Variants in PRPF40B observed in about 807,000 individuals in gnomAD.
PRPF40B encodes pre-mRNA-processing factor 40 homolog B.
A neutral mutation model predicts 124.5 loss-of-function variants in PRPF40B; 56 were observed. The ratio of observed to expected loss-of-function variants is 0.45; its 90% CI spans 0.36 to 0.56. PRPF40B has a LOEUF of 0.56. Ranked by LOEUF, PRPF40B falls within the 20% of genes least tolerant of loss-of-function variation. The pLI is 0.00. For missense variants in PRPF40B, 1,053 were observed against 1,169.5 expected, an observed-to-expected ratio of 0.90 and a Z score of 1.45; for synonymous variants, 443 against 426.4, an observed-to-expected ratio of 1.04 and a Z score of -0.48.
At position 49,642,984 on chromosome 12, in the gene PRPF40B, A is replaced by C. The variant is rs752833704; in HGVS notation, c.2173A>C (p.Lys725Gln). 5.0e-6 allele frequency: 8 copies of C among 1,613,906 alleles called. No homozygotes were observed. The highest frequency in any genetic ancestry group is 3.3e-5 in the Admixed American group (2 of 59,984). The part of the protein sequence containing the change: ...KGRKHGRKGK[K>Q]HHHKRSHSPS... The stretch of plus-strand genomic sequence containing the variant: ...CCGAAAGCATGGCAGGAAAGGCAAG[A>C]AGCACCATCACAAGCGTTCCCACTC... The change falls in exon 22 of 26, where the codon AAG (lysine) becomes CAG (glutamine). Residue 725 changes from lysine to glutamine, a missense_variant. Lys to Gln is a moderately conservative substitution (Grantham distance 53). This residue lies in a region of PRPF40B where 895 missense variants were observed against 1,052.2 expected (regional missense o/e 0.85). Transcript: ENST00000548825. This position sits in a 1 kb window ranked among gnomAD's most constrained non-coding sequence, Gnocchi z 5.8.
rs565537155 is a variant in PRPF40B, at chr12:49,643,122, T to G, written c.2206-101T>G. On this transcript the variant is annotated intron_variant, in intron 22 of 25. Transcript: ENST00000548825. ...TCTCCCTTGGAGGGAAGTTTGAGGA[T>G]TCCTTTGGCCCTGGGTCCTCCTCCT... is the stretch of plus-strand genomic sequence containing the variant. The G allele has an allele frequency of 2.4e-5, 38 of 1,585,800 alleles. No individual in the cohort carries two copies. The African/African-American group carries it at 3.8e-4, about 16-fold the overall frequency.
At chr12:49,638,561 A>G (rs1252833820) in intron 18 of PRPF40B, 1 of 152,206 alleles carries the variant, frequency 6.6e-6, no homozygotes, top group African/African-American at 2.4e-5. Context: ...CATCTTATCA[A>G]AAGTGGAAAA....
At chr12:49,625,636 G>A (rs528313654) in intron 1 of PRPF40B, among the ~76,000 whole-genome samples, 67 of 152,236 alleles carry the variant, frequency 4.4e-4, no homozygotes, top group African/African-American at 1.6e-3. Flanking sequence ...GAAAGGGGTG[G>A]CCCCTCACTG....
At chr12:49,633,151 C>T in intron 7 of PRPF40B, 27 bp downstream of exon 7, 1 of 1,556,360 alleles carries the variant, frequency 6.4e-7, no homozygotes. Flanking sequence ...TCTGGCCCTT[C>T]CTTTCAGCTG....
Position 49,635,287 on chromosome 12 carries a change from G to T in PRPF40B, c.1166+24G>T. On this transcript the variant is annotated intron_variant, in intron 13 of 25. Transcript: ENST00000548825. The surrounding 1 kb of genome is among the most constrained non-coding windows in gnomAD (Gnocchi z 4.1). ...CGGTCAGGGGGCCAGGCTGGGCTGG[G>T]ACTTGGGAACCCTGAGAACACAAAG... The T allele has an allele frequency of 6.2e-7, 1 of 1,610,556 alleles. No individual in the cohort carries two copies. The highest frequency in any genetic ancestry group is 8.5e-7 in the Non-Finnish European group (1 of 1,178,196).
At chr12:49,639,896 A>G (rs1942372478) in intron 18 of PRPF40B, 1 of 152,232 alleles carries the variant, frequency 6.6e-6, no homozygotes. Context: ...TTAAAACAGA[A>G]TAATCGTATA....
In PRPF40B at chr12:49,642,751, C is replaced by T; in HGVS notation, c.2118+76C>T. On this transcript the variant is annotated intron_variant, in intron 21 of 25. Transcript: ENST00000548825. This position sits in a 1 kb window ranked among gnomAD's most constrained non-coding sequence, Gnocchi z 5.8. ...ACCAGTTCAACAGAGACCTCAGTGG[C>T]CTCCCTCTTACCCTTAGGGCACTCC... The T allele has an allele frequency of 2.0e-6, 3 of 1,510,370 alleles. No homozygotes were observed. The highest frequency in any genetic ancestry group is 2.7e-6 in the Non-Finnish European group (3 of 1,105,778). 93.6% of individuals were successfully genotyped at this position (1,510,370 alleles called of 1,614,324 possible).
intron 4 of PRPF40B, 83 bp downstream of exon 4, chr12:49,632,008 T>C: frequency 7.4e-7 from 1 of 1,357,372 alleles, no homozygotes; most frequent in Admixed American, 1.7e-5. Context: ...ATGACCTCCA[T>C]TCTTTCCCTC....
rs1220649877 is a variant in PRPF40B, at chr12:49,642,056, C to G, written c.1884+32C>G. ...GGCTGGGCGGGGCGTGGGAAGTTCT[C>G]TAATTCATCTGTGTCTTGCTCCATT... On this transcript the variant is annotated intron_variant, in intron 19 of 25. Transcript: ENST00000548825. The surrounding 1 kb of genome is among the most constrained non-coding windows in gnomAD (Gnocchi z 5.8). The G allele has an allele frequency of 6.2e-7, 1 of 1,607,704 alleles. No homozygotes were observed. The highest frequency in any genetic ancestry group is 1.1e-5 in the South Asian group (1 of 91,012).
chr12:49,636,719 T>C lies in PRPF40B; in HGVS notation c.1430T>C (p.Met477Thr), dbSNP rs754436465. ...GGAACCTCCTGCCTGTCTTTAGACA[T>C]GGACAAGGAAGATGCACTGATCTGT... ...SFAQDHQLQN[M>T]DKEDALICFE... Residue 477 changes from methionine to threonine, a missense_variant, in exon 16 of 26, where the codon ATG becomes ACG. By Grantham distance (81) the Met-to-Thr change is moderately conservative. This residue lies in a region of PRPF40B where 895 missense variants were observed against 1,052.2 expected (regional missense o/e 0.85). Coordinates refer to ENST00000548825, the MANE Select transcript of PRPF40B (RefSeq NM_001031698.3). 5 of 1,613,918 alleles carry C rather than the reference T, an allele frequency of 3.1e-6. No homozygotes were observed. Among genetic ancestry groups the C allele is most frequent in the Middle Eastern group, 1.6e-4 (1 of 6,084 alleles).
Position 49,635,782 on chromosome 12 carries a change from C to G in PRPF40B, c.1276-61C>G, listed in dbSNP as rs1318582453. 1 of 1,593,650 alleles carries G rather than the reference C, an allele frequency of 6.3e-7. No homozygotes were observed. Among genetic ancestry groups the G allele is most frequent in the African/African-American group, 1.3e-5 (1 of 74,654 alleles). On this transcript the variant is annotated intron_variant, in intron 14 of 25. Coordinates refer to ENST00000548825, the MANE Select transcript of PRPF40B (RefSeq NM_001031698.3). The surrounding 1 kb of genome is among the most constrained non-coding windows in gnomAD (Gnocchi z 4.1). Reference sequence around the variant, plus strand: ...CTACCTTTCCCCAGGTCCTCCTCTGCCCAGGCCTACTTGGGTAGCTCTGGC... The same window carrying G: ...CTACCTTTCCCCAGGTCCTCCTCTGGCCAGGCCTACTTGGGTAGCTCTGGC...
rs756747246 is a variant in PRPF40B, at chr12:49,643,036, G to A, written c.2205+20G>A. The A allele has an allele frequency of 1.2e-6, 2 of 1,611,940 alleles. No homozygotes were observed. Among genetic ancestry groups the A allele is most frequent in the Non-Finnish European group, 1.7e-6 (2 of 1,178,530 alleles). On this transcript the variant is annotated intron_variant, in intron 22 of 25. Transcript: ENST00000548825. ...CCCTCAGTGAGTAAGCGTGTAGAAG[G>A]GACATGGGGTGAAGCTGGGTTGTTT... is the stretch of plus-strand genomic sequence containing the variant.
At position 49,635,753 on chromosome 12, in the gene PRPF40B, CTAG is replaced by C; in HGVS notation, c.1276-89_1276-87del. The C allele has an allele frequency of 6.6e-7, 1 of 1,515,700 alleles. No individual in the cohort carries two copies. The highest frequency in any genetic ancestry group is 9.0e-7 in the Non-Finnish European group (1 of 1,113,348). 93.9% of individuals were successfully genotyped at this position (1,515,700 alleles called of 1,614,324 possible). On this transcript the variant is annotated intron_variant, in intron 14 of 25. Transcript: ENST00000548825. This position sits in a 1 kb window ranked among gnomAD's most constrained non-coding sequence, Gnocchi z 4.1. ...AGTATGGCCTTCTTCCTAGGGTTCC[CTAG>C]CTACCTTTCCCCAGGTCCTCCTCTG...
intron 15 of PRPF40B, 160 bp from the exon 16 acceptor site, chr12:49,636,556 T>C: frequency 5.3e-6 from 4 of 755,300 alleles, no homozygotes; most frequent in African/African-American, 1.7e-5. Context: ...GAACTACCAT[T>C]GCAGTGGCTG....
rs1941563553 is a variant in PRPF40B at position 49,634,610 on chromosome 12, T to A, written c.1001+8T>A. On this transcript the variant is annotated splice_region_variant and intron_variant, in intron 12 of 25. Transcript: ENST00000548825. ...CACCGACCCCCGTTACAGGTAGGCC[T>A]GGGCAGAGGGAGCCAGGCCCTGTTC... 6.2e-7 allele frequency: 1 copy of A among 1,613,910 alleles called. No homozygotes were observed. Among genetic ancestry groups the A allele is most frequent in the Admixed American group, 1.7e-5 (1 of 59,998 alleles).
At position 49,635,324 on chromosome 12, in the gene PRPF40B, C is replaced by T; in HGVS notation, c.1167-41C>T. The T allele has an allele frequency of 6.2e-7, 1 of 1,609,038 alleles. No individual in the cohort carries two copies. The highest frequency in any genetic ancestry group is 8.5e-7 in the Non-Finnish European group (1 of 1,177,556). On this transcript the variant is annotated intron_variant, in intron 13 of 25. Transcript: ENST00000548825. The surrounding 1 kb of genome is among the most constrained non-coding windows in gnomAD (Gnocchi z 4.1). ...CTGAGAACACAAAGGTCCAGGGTCT[C>T]TGTTCTCTGTCTACCTACTCACAGC...
Position 49,637,775 on chromosome 12 carries a change from TGAAGGCAC to T in PRPF40B, c.1721_1728del (p.Lys574IlefsTer3). Reference sequence around the variant, plus strand: ...TTATTCAAGTTCTATGTGGAGGAGTTGAAGGCACGATTCCATGATGAAAAGAAGATCAT... The same window carrying T: ...TTATTCAAGTTCTATGTGGAGGAGTTGATTCCATGATGAAAAGAAGATCAT... On this transcript the variant is annotated frameshift_variant, in exon 18 of 26. Transcript: ENST00000548825. LOFTEE classifies it high-confidence loss of function. 4.3e-6 allele frequency: 7 copies of T among 1,612,742 alleles called. No homozygotes were observed. The highest frequency in any genetic ancestry group is 5.9e-6 in the Non-Finnish European group (7 of 1,179,018).
At chr12:49,623,783 G>A (rs1274735083) in intron 1 of PRPF40B, 190 bp downstream of exon 1, 3 of 1,198,362 alleles carry the variant, frequency 2.5e-6, no homozygotes, top group African/African-American at 1.6e-5. Flanking sequence ...GCGAAGGGGC[G>A]GGGGAGGCCA....
intron 8 of PRPF40B, 28 bp from the exon 9 acceptor site, chr12:49,633,605 GTGAC>G (rs1354684286): frequency 6.2e-6 from 10 of 1,614,120 alleles, no homozygotes; most frequent in African/African-American, 5.3e-5. Flanking sequence ...TATTGCCCCT[GTGAC>G]TGACTGTGTT....
Sources: allele counts gnomAD v4.1 joint callset (sites outside exome capture counted in the v4.1 genomes callset), GRCh38; gene constraint gnomAD v4.1.1; regional missense constraint gnomAD v4.1.1; non-coding constraint Gnocchi (gnomAD v3.1); transcripts MANE v1.5; gene names NCBI Gene and HGNC (gene_info 2026-07-23, HGNC 2026-07-21).